DNAJC13: variants seen among roughly 807,000 people sequenced by gnomAD.
DNAJC13 encodes DnaJ heat shock protein family (Hsp40) member C13, also known as dnaJ homolog subfamily C member 13.
In DNAJC13, 75 loss-of-function variants were observed where a neutral mutation model predicts 290.5. That is an observed-to-expected ratio of 0.26 (90% CI 0.21 to 0.31). DNAJC13 has a LOEUF of 0.31. Ranked by LOEUF, DNAJC13 falls within the 10% of genes least tolerant of loss-of-function variation. The pLI is 1.00. For synonymous variants in DNAJC13, 862 were observed against 892.0 expected, an observed-to-expected ratio of 0.97 and a Z score of 0.60; for missense variants, 2,260 against 2,674.5, an observed-to-expected ratio of 0.85 and a Z score of 3.42.
chr3:132,475,030 T>C lies in DNAJC13; in HGVS notation c.2390T>C (p.Ile797Thr), dbSNP rs771470567. 3.1e-6 allele frequency: 5 copies of C among 1,611,842 alleles called. No individual in the cohort carries two copies. In the African/African-American group the frequency reaches 4.0e-5, roughly 13 times the overall value. Residue 797 changes from isoleucine to threonine, a missense_variant, in exon 22 of 56, where the codon ATT becomes ACT. Ile to Thr is a moderately conservative substitution (Grantham distance 89). Around this residue, in one of 3 missense-constraint regions of DNAJC13, gnomAD observed 762 missense variants for 964.1 expected, o/e 0.79. Transcript: ENST00000260818. ...TLESEMRAFNIDRELGSANVI... is the reference protein window; with the variant it reads ...TLESEMRAFNTDRELGSANVI... ...GAATCTGAAATGAGAGCATTTAATA[T>C]TGACAGAGAACTTGGAAGTGCAAAT... is the stretch of plus-strand genomic sequence containing the variant.
At chr3:132,444,084 C>T (rs138794133) in intron 2 of DNAJC13, among the ~76,000 whole-genome samples, 7 of 152,210 alleles carry the variant, frequency 4.6e-5, no homozygotes, top group African/African-American at 7.2e-5. Context: ...AGGAGGTAGG[C>T]GGTGGGCAAG....
At chr3:132,497,672 C>T (rs1457159373) in intron 36 of DNAJC13, among the ~76,000 whole-genome samples, 1 of 152,178 alleles carries the variant, frequency 6.6e-6, no homozygotes. Context: ...CCTTGGTTGT[C>T]TTTTAATGCT....
intron 2 of DNAJC13, among the ~76,000 whole-genome samples, chr3:132,436,169 C>T (rs1338253362): frequency 6.6e-6 from 1 of 152,114 alleles, no homozygotes; most frequent in Non-Finnish European, 1.5e-5. Flanking sequence ...CCTCGCCTTC[C>T]CTGCAAAAAA....
chr3:132,461,879 G>T (rs1933810136), intron 15 of DNAJC13, among the ~76,000 whole-genome samples: 1 of 151,990 alleles, frequency 6.6e-6, no homozygotes, highest in African/African-American at 2.4e-5. Context: ...GTTTTGTAGA[G>T]ACGGGGTCTC....
At chr3:132,533,488 A>T (rs1283133597) in intron 55 of DNAJC13, among the ~76,000 whole-genome samples, 2 of 151,804 alleles carry the variant, frequency 1.3e-5, no homozygotes, top group Non-Finnish European at 2.9e-5. Flanking sequence ...GGTGTGCACC[A>T]CCATTCCCAG....
chr3:132,467,428 T>A, intron 20 of DNAJC13, 115 bp downstream of exon 20: 2 of 927,496 alleles, frequency 2.2e-6, no homozygotes, highest in Non-Finnish European at 3.2e-6. Flanking sequence ...ACCTGAAGCT[T>A]AAAAATGAAT....
Position 132,454,120 on chromosome 3 carries a change from A to G in DNAJC13, c.895A>G (p.Ile299Val), listed in dbSNP as rs888682753. The part of the protein sequence containing the change: ...ENPQLFTIEF[I>V]KGQVRKYSST... Reference sequence around the variant, plus strand: ...TCCACAACTTTTTACCATTGAATTTATAAAAGGGCAAGTACGGAAATATTC... The same window carrying G: ...TCCACAACTTTTTACCATTGAATTTGTAAAAGGGCAAGTACGGAAATATTC... The change falls in exon 9 of 56, where the codon ATA becomes GTA. Residue 299 changes from isoleucine (I) to valine (V), a missense_variant. By Grantham distance (29) the Ile-to-Val change is conservative. This residue lies in a region of DNAJC13 where 762 missense variants were observed against 964.1 expected (regional missense o/e 0.79). Coordinates refer to ENST00000260818, the MANE Select transcript of DNAJC13 (RefSeq NM_015268.4). 3 of 1,608,524 alleles carry G rather than the reference A, an allele frequency of 1.9e-6. No individual in the cohort carries two copies. In the African/African-American group the frequency reaches 4.0e-5, roughly 22 times the overall value.
rs770455260 is a variant in DNAJC13 at position 132,427,119 on chromosome 3, G to GTATATA, written c.-13-7409_-13-7404dup. On this transcript the variant is annotated intron_variant, in intron 1 of 55. Coordinates refer to ENST00000260818, the MANE Select transcript of DNAJC13 (RefSeq NM_015268.4). ...TGTGTGTGTGCACGTGTGTGTGTGT[G>GTATATA]TATATATATATATATTTTTTTTTTT... is the stretch of plus-strand genomic sequence containing the variant. 2.4e-3 allele frequency among the ~76,000 whole-genome samples: 293 copies of GTATATA among 120,880 alleles called. 3 individuals carry two copies. Among genetic ancestry groups the GTATATA allele is most frequent in the African/African-American group, 7.8e-3 (207 of 26,530 alleles). 79.3% of individuals were successfully genotyped at this position (120,880 alleles called of 152,430 possible). A position where few individuals can be genotyped will look rare whatever the true frequency, so the allele number is the denominator to read the frequency against.
chr3:132,479,232 A>G lies in DNAJC13; in HGVS notation c.2715A>G (p.Thr905=). ...ATTCTCATTTATTTCAATAGTGCAC[A>G]GATAAACTTGAACGAGATAGGTTGA... is the stretch of plus-strand genomic sequence containing the variant. ...RYIIGMLERC[T]DKLERDRLIL... Residue 905 remains threonine, a synonymous_variant, in exon 25 of 56, where the codon ACA becomes ACG. Coordinates refer to ENST00000260818, the MANE Select transcript of DNAJC13 (RefSeq NM_015268.4). 1 of 1,604,912 alleles carries G rather than the reference A, an allele frequency of 6.2e-7. No individual in the cohort carries two copies.
At chr3:132,526,319 G>C in intron 53 of DNAJC13, 38 bp downstream of exon 53, 1 of 1,609,174 alleles carries the variant, frequency 6.2e-7, no homozygotes, top group South Asian at 1.1e-5. Context: ...TTTTAGGAAA[G>C]CAAACATACC....
At chr3:132,504,061 G>A (rs1935508879) in intron 41 of DNAJC13, among the ~76,000 whole-genome samples, 1 of 151,594 alleles carries the variant, frequency 6.6e-6, no homozygotes, top group Non-Finnish European at 1.5e-5. Flanking sequence ...TAAATGGATT[G>A]ATAGATTTGT....
rs1933248311 is a variant in DNAJC13, at chr3:132,446,504, A to G, written c.98A>G (p.His33Arg). The change falls in exon 3 of 56, where the codon CAT becomes CGT. Residue 33 changes from histidine (H) to arginine (R), a missense_variant. Transcript: ENST00000260818. Reference sequence around the variant, plus strand: ...AAGCGTGTCTTTTCAGTTGGAACTCATGCGATTACTACATATAATCCCAAT... The same window carrying G: ...AAGCGTGTCTTTTCAGTTGGAACTCGTGCGATTACTACATATAATCCCAAT... Reference protein sequence around the residue: ...KYKRVFSVGTHAITTYNPNTL... With the variant: ...KYKRVFSVGTRAITTYNPNTL... The G allele has an allele frequency of 8.1e-6, 13 of 1,609,160 alleles. No homozygotes were observed. The highest frequency in any genetic ancestry group is 1.3e-5 in the African/African-American group (1 of 74,708).
At chr3:132,425,685 G>A (rs1019880923) in intron 1 of DNAJC13, among the ~76,000 whole-genome samples, 3 of 152,126 alleles carry the variant, frequency 2.0e-5, no homozygotes, top group Non-Finnish European at 4.4e-5. Flanking sequence ...ACTTCCAGTT[G>A]ATGATGCTAA....
intron 20 of DNAJC13, among the ~76,000 whole-genome samples, chr3:132,469,069 G>A (rs1333877664): frequency 6.6e-6 from 1 of 152,152 alleles, no homozygotes; most frequent in African/African-American, 2.4e-5. Flanking sequence ...TTTACATGGG[G>A]TATTACTAAA....
Position 132,456,793 on chromosome 3 carries a change from C to T in DNAJC13, c.1310C>T (p.Ala437Val). 1 of 1,613,390 alleles carries T rather than the reference C, an allele frequency of 6.2e-7. No individual in the cohort carries two copies. Among genetic ancestry groups the T allele is most frequent in the South Asian group, 1.1e-5 (1 of 90,884 alleles). ...SQFQAVRRLV[A>V]SKAGFLAFTQ... is the part of the protein sequence containing the mutation. ...TTCCAGGCTGTGAGGAGGCTTGTGG[C>T]ATCCAAAGCTGGTTTCCTGGCTTTC... The change falls in exon 12 of 56, where the codon GCA becomes GTA. Residue 437 changes from alanine to valine, a missense_variant. This residue lies in a region of DNAJC13 where 762 missense variants were observed against 964.1 expected (regional missense o/e 0.79). Transcript: ENST00000260818.
chr3:132,491,043 T>C lies in DNAJC13; in HGVS notation c.3615T>C (p.Ser1205=). The change falls in exon 32 of 56, where the codon AGT becomes AGC. Residue 1205 remains serine (S), a synonymous_variant. Transcript: ENST00000260818. ...ATACTCCAGAAGCAATCTGGAGCAG[T>C]GAAATGAGGTAAATAACCAGTTGAC... ...EFDTPEAIWS[S]EMRRLMIEKI... 12 of 1,599,504 alleles carry C rather than the reference T, an allele frequency of 7.5e-6. No individual in the cohort carries two copies. The highest frequency in any genetic ancestry group is 1.0e-5 in the Non-Finnish European group (12 of 1,175,506).
At chr3:132,436,394 A>G (rs1475578313) in intron 2 of DNAJC13, among the ~76,000 whole-genome samples, 2 of 152,220 alleles carry the variant, frequency 1.3e-5, no homozygotes, top group East Asian at 3.8e-4. Context: ...ACTTCATTTC[A>G]TTAATGTCAT....
At chr3:132,483,739 A>G (rs965417150) in intron 28 of DNAJC13, among the ~76,000 whole-genome samples, 162 bp downstream of exon 28, 1 of 152,246 alleles carries the variant, frequency 6.6e-6, no homozygotes, top group Non-Finnish European at 1.5e-5. Flanking sequence ...GAATTTGCAA[A>G]TTATATTAAT....
chr3:132,512,885 G>C (rs766231840), intron 44 of DNAJC13, 123 bp from the exon 45 acceptor site: 7 of 776,668 alleles, frequency 9.0e-6, no homozygotes, highest in Non-Finnish European at 1.5e-5. Flanking sequence ...TCATGTCACA[G>C]ATGTTTAGAA....
Sources: gnomAD v4.1 joint callset for allele counts (sites outside exome capture counted in the v4.1 genomes callset) on GRCh38, gnomAD v4.1.1 for gene constraint, gnomAD v4.1.1 regional missense constraint, MANE v1.5 for transcripts, NCBI Gene and HGNC (gene_info 2026-07-23, HGNC 2026-07-21) for gene names.